Variants in RBFOX1 observed in about 807,000 individuals in gnomAD.
The protein encoded by RBFOX1 is RNA binding fox-1 homolog 1.
In RBFOX1, 8 loss-of-function variants were observed where a neutral mutation model predicts 57.7. That is an observed-to-expected ratio of 0.14 (90% CI 0.08 to 0.25). The LOEUF is 0.25. Ranked by LOEUF, RBFOX1 falls within the 10% of genes least tolerant of loss-of-function variation. RBFOX1 has a pLI of 1.00. For missense variants in RBFOX1, 611 were observed against 548.5 expected (o/e 1.11, Z -1.14); for synonymous variants, 326 against 222.4 (o/e 1.47, Z -4.15).
At chr16:5,739,829 G>T (rs577111452) in intron 3 of RBFOX1, among the ~76,000 whole-genome samples, 1 of 152,348 alleles carries the variant, frequency 6.6e-6, no homozygotes, top group South Asian at 2.1e-4. Context: ...GTCTGTCTGT[G>T]ACTTTGCCAT....
chr16:5,336,377 C>G (rs560129740), intron 1 of RBFOX1, among the ~76,000 whole-genome samples: 3 of 152,194 alleles, frequency 2.0e-5, no homozygotes, highest in African/African-American at 7.2e-5. Flanking sequence ...TGGCACCCCT[C>G]TCTGAATCCC....
At chr16:7,642,106 C>G (rs557177496) in intron 11 of RBFOX1, among the ~76,000 whole-genome samples, 3 of 152,050 alleles carry the variant, frequency 2.0e-5, no homozygotes, top group Non-Finnish European at 4.4e-5. Flanking sequence ...GACCCTGTCT[C>G]AAAAAATAAA....
chr16:7,542,912 A>AC (rs1318248113), intron 5 of RBFOX1, among the ~76,000 whole-genome samples: 1 of 151,974 alleles, frequency 6.6e-6, no homozygotes, highest in Non-Finnish European at 1.5e-5. Flanking sequence ...CTTCCTAAAA[A>AC]CACCACCACC....
chr16:6,370,531 G>A (rs1446178533), intron 2 of RBFOX1, among the ~76,000 whole-genome samples: 1 of 152,132 alleles, frequency 6.6e-6, no homozygotes, highest in African/African-American at 2.4e-5. Flanking sequence ...TCTGACACGT[G>A]CTACAACATG....
chr16:6,882,092 C>G (rs2063060072), intron 3 of RBFOX1, among the ~76,000 whole-genome samples: 2 of 152,140 alleles, frequency 1.3e-5, no homozygotes, highest in Admixed American at 1.3e-4. Flanking sequence ...CCCCTATTCC[C>G]TGCAGGTTAA....
chr16:6,250,364 C>G (rs183632951), intron 1 of RBFOX1, among the ~76,000 whole-genome samples: 1 of 152,280 alleles, frequency 6.6e-6, no homozygotes, highest in Non-Finnish European at 1.5e-5. Flanking sequence ...CGAACTACCT[C>G]ATGACTAGGA....
intron 4 of RBFOX1, among the ~76,000 whole-genome samples, chr16:7,193,487 C>T (rs1029038607): frequency 6.6e-6 from 1 of 152,212 alleles, no homozygotes; most frequent in East Asian, 1.9e-4. Flanking sequence ...GTTACAGCAG[C>T]AGTATCAAGC....
intron 3 of RBFOX1, among the ~76,000 whole-genome samples, chr16:7,016,274 C>T (rs542021943): frequency 7.9e-5 from 12 of 152,204 alleles, no homozygotes; most frequent in African/African-American, 2.9e-4. Context: ...AGATCTGTCT[C>T]GGACATGTGG....
In RBFOX1 at chr16:6,649,611, C is replaced by G. The variant is rs147719219; in HGVS notation, c.-63-4992C>G. The stretch of plus-strand genomic sequence containing the variant: ...GCTCCCACTTATGAATGAGAACATG[C>G]AATGTTTCGTTTTCCATTCGTGACT... On this transcript the variant is annotated intron_variant, in intron 2 of 15. Coordinates refer to ENST00000550418, the MANE Select transcript of RBFOX1 (RefSeq NM_018723.4). 3.8e-3 allele frequency among the ~76,000 whole-genome samples: 585 copies of G among 152,248 alleles called. 6 individuals carry two copies. Among genetic ancestry groups the G allele is most frequent in the Admixed American group, 0.016 (239 of 15,288 alleles).
intron 3 of RBFOX1, among the ~76,000 whole-genome samples, chr16:7,029,199 TATAC>T: frequency 1.0e-5 from 1 of 95,758 alleles, no homozygotes; most frequent in South Asian, 3.7e-4. Flanking sequence ...TACACATATG[TATAC>T]GTATACGTAT....
intron 3 of RBFOX1, among the ~76,000 whole-genome samples, chr16:6,719,182 T>G (rs2065433140): frequency 1.3e-5 from 2 of 152,126 alleles, no homozygotes; most frequent in South Asian, 4.1e-4. Context: ...GTGTACATAT[T>G]TCTATGCAAA....
At position 5,463,636 on chromosome 16, in the gene RBFOX1, C is replaced by G. The variant is rs534968892; in HGVS notation, c.220-3580C>G. On this transcript the variant is annotated intron_variant, in intron 1 of 2. Coordinates refer to the RBFOX1 transcript ENST00000585867. ...CCAACGTGGTGAAACCCTGTGTCCACTAAAAATACAAAAATTAGCCAGACG... is the reference window on the plus strand; with the variant it reads ...CCAACGTGGTGAAACCCTGTGTCCAGTAAAAATACAAAAATTAGCCAGACG... Among the ~76,000 whole-genome samples the G allele has an allele frequency of 2.0e-5, 3 of 151,712 alleles. No homozygotes were observed. The South Asian group carries it at 6.3e-4, about 32-fold the overall frequency.
intron 3 of RBFOX1, among the ~76,000 whole-genome samples, chr16:6,855,048 A>G (rs2142143466): frequency 6.6e-6 from 1 of 151,970 alleles, no homozygotes; most frequent in South Asian, 2.1e-4. Flanking sequence ...GGTGGGTGGG[A>G]GGAGTAGGTC....
chr16:5,392,850 C>G (rs1026049626), intron 1 of RBFOX1, among the ~76,000 whole-genome samples: 3 of 152,180 alleles, frequency 2.0e-5, no homozygotes, highest in Non-Finnish European at 2.9e-5. Flanking sequence ...AGACTCCTGT[C>G]TCCTCTGTCT....
intron 3 of RBFOX1, among the ~76,000 whole-genome samples, chr16:7,009,488 A>G (rs536467599): frequency 6.6e-6 from 1 of 152,148 alleles, no homozygotes; most frequent in East Asian, 2.0e-4. Flanking sequence ...GCCCAAGCAC[A>G]GGAGAAGATT....
rs1000300484 is a variant in RBFOX1, at chr16:5,285,640, A to G, written c.219+45535A>G. On this transcript the variant is annotated intron_variant, in intron 1 of 2. Coordinates refer to the RBFOX1 transcript ENST00000585867. ...ACCTTTTCTTATAGCTGTATCTACA[A>G]TGTTCATTGGATATCACACTTTGGC... Among the ~76,000 whole-genome samples, 11 of 152,300 alleles carry G rather than the reference A, an allele frequency of 7.2e-5. No individual in the cohort carries two copies. The South Asian group carries it at 1.0e-3, about 14-fold the overall frequency.
intron 2 of RBFOX1, among the ~76,000 whole-genome samples, chr16:6,632,007 TA>T (rs2098390882): frequency 6.6e-6 from 1 of 152,132 alleles, no homozygotes; most frequent in South Asian, 2.1e-4. Flanking sequence ...GGGTTTCAAA[TA>T]GAGAAATCAC....
chr16:6,934,920 T>C (rs544510001), intron 3 of RBFOX1, among the ~76,000 whole-genome samples: 1 of 152,134 alleles, frequency 6.6e-6, no homozygotes, highest in Admixed American at 6.6e-5. Flanking sequence ...ACCCTGTCTC[T>C]ACCAAAAATA....
chr16:7,491,271 T>C (rs192411211), intron 4 of RBFOX1, among the ~76,000 whole-genome samples: 16 of 152,062 alleles, frequency 1.1e-4, no homozygotes. Flanking sequence ...TCTGCGACTT[T>C]GGTTGACTGT....
Sources: allele counts gnomAD v4.1 joint callset (sites outside exome capture counted in the v4.1 genomes callset), GRCh38; gene constraint gnomAD v4.1.1; transcripts MANE v1.5; gene names NCBI Gene and HGNC (gene_info 2026-07-23, HGNC 2026-07-21).